Variants in DNAJC13 observed in about 807,000 individuals in gnomAD.
The protein encoded by DNAJC13 is DnaJ heat shock protein family (Hsp40) member C13.
In DNAJC13, 75 loss-of-function variants were observed where a neutral mutation model predicts 290.5. The ratio of observed to expected loss-of-function variants is 0.26; its 90% CI spans 0.21 to 0.31. The LOEUF (loss-of-function observed/expected upper bound fraction) is 0.31. Among genes scored for constraint, DNAJC13 ranks in the 10% least tolerant of loss-of-function variants. The probability of loss-of-function intolerance (pLI) is 1.00; values close to 1 mark genes in which losing one functional copy is unlikely to be tolerated. For missense variants in DNAJC13, 2,260 were observed against 2,674.5 expected, an observed-to-expected ratio of 0.85 and a Z score of 3.42; for synonymous variants, 862 against 892.0, an observed-to-expected ratio of 0.97 and a Z score of 0.60.
Position 132,450,640 on chromosome 3 carries a change from T to C in DNAJC13, c.337-7T>C, listed in dbSNP as rs1444755437. ...GAACCTAAAAGTAATACTGATTCTG[T>C]CTTTAGAGATACAACTGCTATAAGC... On this transcript the variant is annotated splice_polypyrimidine_tract_variant and splice_region_variant and intron_variant, in intron 5 of 55. Transcript: ENST00000260818. 1 of 1,597,926 alleles carries C rather than the reference T, an allele frequency of 6.3e-7. No individual in the cohort carries two copies. Among genetic ancestry groups the C allele is most frequent in the Admixed American group, 1.7e-5 (1 of 59,362 alleles).
intron 22 of DNAJC13, among the ~76,000 whole-genome samples, chr3:132,475,517 A>G (rs1249502024): frequency 6.6e-6 from 1 of 152,166 alleles, no homozygotes; most frequent in Non-Finnish European, 1.5e-5. Flanking sequence ...GAGCAGGAGA[A>G]ACAAGAAAGA....
chr3:132,458,496 C>G (rs1933689769), intron 13 of DNAJC13: 1 of 152,034 alleles, frequency 6.6e-6, no homozygotes, highest in South Asian at 2.1e-4. Context: ...GTCAGGCTCC[C>G]CTATCAGGAA....
In DNAJC13 at chr3:132,482,214, T is replaced by C. The variant is rs772669784; in HGVS notation, c.2875-12T>C. 1.3e-6 allele frequency: 2 copies of C among 1,598,338 alleles called. No homozygotes were observed. The highest frequency in any genetic ancestry group is 1.7e-6 in the Non-Finnish European group (2 of 1,172,794). On this transcript the variant is annotated splice_polypyrimidine_tract_variant and intron_variant, in intron 26 of 55. Coordinates refer to ENST00000260818, the MANE Select transcript of DNAJC13 (RefSeq NM_015268.4). ...TGCCTTGGAAAATAATTTAAATCTT[T>C]TTTAAACTTAGAGCAATGTAATTGA...
At chr3:132,454,482 C>G (rs1402476512) in intron 9 of DNAJC13, among the ~76,000 whole-genome samples, 1 of 151,460 alleles carries the variant, frequency 6.6e-6, no homozygotes, top group Non-Finnish European at 1.5e-5. Context: ...CCACCACGCC[C>G]AGCTAATTTT....
rs143425230 is a variant in DNAJC13 at position 132,432,850 on chromosome 3, T to C, written c.-13-1688T>C. On this transcript the variant is annotated intron_variant, in intron 1 of 55. Transcript: ENST00000260818. ...AACAATCTTGATCTGTTCTATATCC[T>C]GTTCAACCAGAGGAGTGCATTAATC... Among the ~76,000 whole-genome samples the C allele has an allele frequency of 1.1e-3, 162 of 152,330 alleles. 2 individuals carry two copies. The East Asian group carries it at 0.028, about 27-fold the overall frequency.
chr3:132,447,930 C>G lies in DNAJC13; in HGVS notation c.327C>G (p.Ile109Met), dbSNP rs1933303876. ...RFRTDFSEGKITGRRYNCYKH... is the reference protein window; with the variant it reads ...RFRTDFSEGKMTGRRYNCYKH... ...GAACTGATTTTTCAGAGGGAAAAAT[C>G]ACAGGAAGGGTAAATATTTAACATT... The change falls in exon 5 of 56, where the codon ATC becomes ATG. Residue 109 changes from isoleucine (I) to methionine (M), a missense_variant. Physicochemically the swap from Ile to Met is conservative, Grantham distance 10. This residue lies in a region of DNAJC13 where 762 missense variants were observed against 964.1 expected (regional missense o/e 0.79). Coordinates refer to ENST00000260818, the MANE Select transcript of DNAJC13 (RefSeq NM_015268.4). 6.4e-7 allele frequency: 1 copy of G among 1,571,764 alleles called. No individual in the cohort carries two copies. The highest frequency in any genetic ancestry group is 2.2e-5 in the East Asian group (1 of 44,504).
chr3:132,437,731 A>C (rs999503185), intron 2 of DNAJC13, among the ~76,000 whole-genome samples: 1 of 152,162 alleles, frequency 6.6e-6, no homozygotes, highest in Non-Finnish European at 1.5e-5. Context: ...TGCTGTTTTG[A>C]AACTTAGAAA....
intron 55 of DNAJC13, 90 bp from the exon 56 acceptor site, chr3:132,538,086 G>A (rs114794825): frequency 0.021 from 19,262 of 928,036 alleles, 283 homozygotes; most frequent in Non-Finnish European, 0.028. Flanking sequence ...GTGTGATGGA[G>A]TGCCTGAGCA....
chr3:132,434,925 G>A (rs188829604), intron 2 of DNAJC13, among the ~76,000 whole-genome samples: 2 of 152,310 alleles, frequency 1.3e-5, no homozygotes, highest in Admixed American at 6.5e-5. Context: ...TAGTAGCAGA[G>A]TGTTAACCCT....
chr3:132,527,809 A>T (rs1413403988), intron 53 of DNAJC13, among the ~76,000 whole-genome samples: 4 of 152,174 alleles, frequency 2.6e-5, no homozygotes, highest in African/African-American at 9.6e-5. Context: ...AAAAAATACT[A>T]ATGTATTTCA....
At chr3:132,458,422 G>A (rs746268016) in intron 13 of DNAJC13, 12 of 152,088 alleles carry the variant, frequency 7.9e-5, no homozygotes, top group Admixed American at 2.0e-4. Flanking sequence ...GATATGGAGA[G>A]TTGCTTTATT....
intron 22 of DNAJC13, among the ~76,000 whole-genome samples, chr3:132,475,579 A>T (rs926425154): frequency 6.6e-6 from 1 of 152,212 alleles, no homozygotes; most frequent in African/African-American, 2.4e-5. Flanking sequence ...GTTGAAGTAT[A>T]TTATAAACAT....
intron 1 of DNAJC13, among the ~76,000 whole-genome samples, chr3:132,427,255 C>T (rs1041123971): frequency 2.0e-5 from 3 of 151,598 alleles, no homozygotes; most frequent in African/African-American, 7.3e-5. Context: ...CTGACCTCAG[C>T]CCCCCAAGTA....
intron 5 of DNAJC13, 147 bp from the exon 6 acceptor site, chr3:132,450,500 A>G (rs1202005479): frequency 3.6e-6 from 2 of 562,764 alleles, no homozygotes; most frequent in South Asian, 5.5e-5. Context: ...AAAATTAATC[A>G]TAGTTTTAAC....
intron 42 of DNAJC13, among the ~76,000 whole-genome samples, chr3:132,506,045 CTTT>C (rs573857472): frequency 1.4e-5 from 1 of 72,676 alleles, no homozygotes; most frequent in Non-Finnish European, 2.7e-5. Flanking sequence ...TGTACATTAT[CTTT>C]TTTTTTTTTT....
chr3:132,449,834 G>C (rs1933366283), intron 5 of DNAJC13, among the ~76,000 whole-genome samples: 1 of 151,974 alleles, frequency 6.6e-6, no homozygotes, highest in South Asian at 2.1e-4. Context: ...GTGGGGGAGA[G>C]GATACTCATT....
intron 15 of DNAJC13, among the ~76,000 whole-genome samples, 196 bp from the exon 16 acceptor site, chr3:132,462,271 A>T (rs1933824257): frequency 6.6e-6 from 1 of 152,112 alleles, no homozygotes; most frequent in Admixed American, 6.5e-5. Flanking sequence ...TTCTTTGTTT[A>T]TGTGTCTGTA....
chr3:132,510,282 G>A (rs1036158884), intron 43 of DNAJC13, among the ~76,000 whole-genome samples: 1 of 152,104 alleles, frequency 6.6e-6, no homozygotes, highest in African/African-American at 2.4e-5. Flanking sequence ...GAAGATGACT[G>A]GAGTCACATC....
chr3:132,537,033 A>C, intron 55 of DNAJC13: 1 of 439,738 alleles, frequency 2.3e-6, no homozygotes. Context: ...GTCAAAAACA[A>C]GATGAATCTG....
Sources: gnomAD v4.1 joint callset for allele counts (sites outside exome capture counted in the v4.1 genomes callset) on GRCh38, gnomAD v4.1.1 for gene constraint, gnomAD v4.1.1 regional missense constraint, MANE v1.5 for transcripts, NCBI Gene and HGNC (gene_info 2026-07-23, HGNC 2026-07-21) for gene names.